ZNHIT3: variants seen among roughly 807,000 people sequenced by gnomAD.
ZNHIT3 encodes zinc finger HIT-type containing 3.
A neutral mutation model predicts 19.9 loss-of-function variants in ZNHIT3; 27 were observed. The ratio of observed to expected loss-of-function variants is 1.36; its 90% CI spans 1.00 to 1.87. ZNHIT3 has a LOEUF of 1.87. ZNHIT3 is among the 40% of genes most tolerant of loss of function. The pLI is 0.00. For missense variants in ZNHIT3, 215 were observed against 185.6 expected (o/e 1.16, Z -0.92); for synonymous variants, 81 against 65.7 (o/e 1.23, Z -1.13).
At chr17:36,498,723 A>G (rs143414798), downstream of ZNHIT3, 41 of 711,114 alleles carry the variant, frequency 5.8e-5, no homozygotes, top group East Asian at 1.1e-3. Flanking sequence ...ATATGCCACA[A>G]GTCTATACAC....
chr17:36,490,253 G>A (rs2070696861), intron 2 of ZNHIT3: 2 of 152,054 alleles, frequency 1.3e-5, no homozygotes, highest in Admixed American at 1.3e-4. Flanking sequence ...ATTTATATAT[G>A]GTGACAGATA....
At chr17:36,494,042 C>A (rs1416027851) in intron 4 of ZNHIT3, 36 bp downstream of exon 4, 2 of 1,486,920 alleles carry the variant, frequency 1.3e-6, no homozygotes, top group African/African-American at 1.4e-5. Context: ...CGTTGAGATA[C>A]ATTTACTGTG....
In ZNHIT3 at chr17:36,492,852, TAAG is replaced by T; in HGVS notation, c.160_162del (p.Arg54del). ...GAAACTCGTCCTGTTGAGAAAAAAA[TAAG>T]ATCAGCTCTTCCTACCAAAACCGTA... On this transcript the variant is annotated inframe_deletion, in exon 3 of 5. Transcript: ENST00000617429. The T allele has an allele frequency of 1.2e-6, 2 of 1,614,026 alleles. No individual in the cohort carries two copies. The highest frequency in any genetic ancestry group is 8.5e-7 in the Non-Finnish European group (1 of 1,179,998).
chr17:36,498,105 C>A (rs938517166), downstream of ZNHIT3: 3 of 693,914 alleles, frequency 4.3e-6, no homozygotes, highest in African/African-American at 1.8e-5. Flanking sequence ...AATAAATAAT[C>A]CAAACCTGCA....
intron 2 of ZNHIT3, chr17:36,492,004 C>T (rs1297887004): frequency 6.6e-6 from 1 of 152,238 alleles, no homozygotes; most frequent in Admixed American, 6.5e-5. Flanking sequence ...CACTATGTAT[C>T]TCACTGTGTA....
chr17:36,488,790 A>G (rs1187372224), intron 2 of ZNHIT3, among the ~76,000 whole-genome samples: 1 of 152,214 alleles, frequency 6.6e-6, no homozygotes, highest in Non-Finnish European at 1.5e-5. Context: ...GGTAATTAGC[A>G]TATTCGCCCC....
chr17:36,494,075 A>G (rs1197534730), intron 4 of ZNHIT3, 69 bp downstream of exon 4: 3 of 1,271,104 alleles, frequency 2.4e-6, no homozygotes, highest in Non-Finnish European at 3.4e-6. Flanking sequence ...TGATTTTTTA[A>G]AAAGTTTTTA....
chr17:36,487,870 G>C (rs1020645368), intron 2 of ZNHIT3, among the ~76,000 whole-genome samples: 12 of 150,912 alleles, frequency 8.0e-5, no homozygotes, highest in African/African-American at 2.9e-4. Context: ...TTGGGAGGCC[G>C]AGGCGGGCGG....
intron 2 of ZNHIT3, among the ~76,000 whole-genome samples, chr17:36,488,093 CAAA>C (rs369196891): frequency 5.9e-5 from 5 of 84,992 alleles, no homozygotes; most frequent in Admixed American, 1.2e-4. Context: ...AAGACTGTCT[CAAA>C]AAAAAAAAAA....
downstream of ZNHIT3, chr17:36,496,194 T>C (rs142870174): frequency 2.6e-4 from 420 of 1,600,542 alleles, no homozygotes; most frequent in African/African-American, 5.3e-3. Flanking sequence ...GCTGATTAAA[T>C]GTCTTTGGCA....
downstream of ZNHIT3, among the ~76,000 whole-genome samples, chr17:36,497,332 A>AC (rs58134910): frequency 5.3e-5 from 8 of 151,678 alleles, no homozygotes; most frequent in African/African-American, 1.9e-4. Context: ...AAAAAAAAAA[A>AC]AACCCACAGA....
downstream of ZNHIT3, chr17:36,499,070 C>CA (rs761047785): frequency 6.2e-7 from 1 of 1,604,080 alleles, no homozygotes; most frequent in East Asian, 2.2e-5. Flanking sequence ...TTGGGTCTTA[C>CA]TTACTCTCCA....
At chr17:36,487,098 A>C in intron 2 of ZNHIT3, 132 bp downstream of exon 2, 1 of 1,261,198 alleles carries the variant, frequency 7.9e-7, no homozygotes, top group Non-Finnish European at 1.1e-6. Flanking sequence ...GTTCTGCAGG[A>C]ACCTTGCTTC....
downstream of ZNHIT3, chr17:36,498,884 C>A (rs1037313487): frequency 3.3e-6 from 2 of 597,448 alleles, no homozygotes; most frequent in Admixed American, 2.9e-5. Context: ...CCACTCTTCA[C>A]CTACATAACC....
chr17:36,496,232 G>C (rs1440159543), downstream of ZNHIT3: 1 of 1,612,748 alleles, frequency 6.2e-7, no homozygotes, highest in Admixed American at 1.7e-5. Context: ...AGGCCTTGTG[G>C]AAACAAAGGC....
downstream of ZNHIT3, chr17:36,498,785 A>G (rs547365107): frequency 3.3e-6 from 2 of 600,400 alleles, no homozygotes; most frequent in Admixed American, 3.0e-5. Flanking sequence ...ACAAGATAAG[A>G]GTCCATCAAG....
chr17:36,487,068 C>T (rs368371308), intron 2 of ZNHIT3, 102 bp downstream of exon 2: 3 of 1,495,304 alleles, frequency 2.0e-6, no homozygotes, highest in South Asian at 2.5e-5. Context: ...CGCTTCCTTT[C>T]CCGCCTCGGG....
At chr17:36,496,595 G>A (rs1023403630), downstream of ZNHIT3, among the ~76,000 whole-genome samples, 3 of 152,090 alleles carry the variant, frequency 2.0e-5, no homozygotes, top group Admixed American at 6.5e-5. Flanking sequence ...AGGAGGAGGC[G>A]CTCCCTAAGA....
chr17:36,496,366 T>C, downstream of ZNHIT3: 1 of 1,614,014 alleles, frequency 6.2e-7, no homozygotes. Flanking sequence ...GATGTCAGCA[T>C]ACCGCAGTGG....
Sources: allele counts gnomAD v4.1 joint callset (sites outside exome capture counted in the v4.1 genomes callset), GRCh38; gene constraint gnomAD v4.1.1; transcripts MANE v1.5; gene names NCBI Gene and HGNC (gene_info 2026-07-23, HGNC 2026-07-21).